The following NIPBL variants were observed in gnomAD, a reference collection of about 807,000 sequenced individuals.
NIPBL encodes the protein nipped-B-like protein.
In NIPBL, 19 loss-of-function variants were observed where a neutral mutation model predicts 321.8. The observed-to-expected ratio is 0.06, with a 90% CI of 0.04 to 0.09. The LOEUF is 0.09. NIPBL is among the 10% of genes least tolerant of loss of function. NIPBL has a pLI of 1.00. For missense variants in NIPBL, 2,210 were observed against 3,327.0 expected, an observed-to-expected ratio of 0.66 and a Z score of 8.26; for synonymous variants, 1,106 against 1,114.1, an observed-to-expected ratio of 0.99 and a Z score of 0.14.
intron 1 of NIPBL, among the ~76,000 whole-genome samples, chr5:36,931,848 T>C (rs558148027): frequency 6.6e-6 from 1 of 152,132 alleles, no homozygotes; most frequent in Admixed American, 6.6e-5. Context: ...TGTTTTTGAT[T>C]TTGTTTACAC....
At chr5:37,052,297 G>A (rs1338501694) in intron 41 of NIPBL, 69 bp from the exon 42 acceptor site, 21 of 1,214,630 alleles carry the variant, frequency 1.7e-5, no homozygotes, top group Non-Finnish European at 2.4e-5. Flanking sequence ...AGAATGTAAT[G>A]CTCTAAGTAT....
At chr5:36,989,305 A>G (rs541268467) in intron 10 of NIPBL, among the ~76,000 whole-genome samples, 1 of 152,246 alleles carries the variant, frequency 6.6e-6, no homozygotes, top group East Asian at 1.9e-4. Context: ...ACTGGGATTA[A>G]TATTATTCCC....
chr5:36,948,219 G>A (rs1739900684), intron 1 of NIPBL, among the ~76,000 whole-genome samples: 1 of 151,846 alleles, frequency 6.6e-6, no homozygotes, highest in South Asian at 2.1e-4. Flanking sequence ...AGCATACATA[G>A]TGTCTGACAC....
chr5:36,962,583 C>T (rs1207715419), intron 6 of NIPBL, among the ~76,000 whole-genome samples: 1 of 152,160 alleles, frequency 6.6e-6, no homozygotes. Context: ...CTTCTTCTTA[C>T]ATTAGCACTA....
chr5:37,014,710 T>C lies in NIPBL; in HGVS notation c.4588T>C (p.Ser1530Pro). 1 of 1,609,304 alleles carries C rather than the reference T, an allele frequency of 6.2e-7. No homozygotes were observed. Among genetic ancestry groups the C allele is most frequent in the Non-Finnish European group, 8.5e-7 (1 of 1,175,780 alleles). ...KIDQDVVITN[S>P]YETAMRTAQN... ...TGACCAGGATGTTGTCATTACTAAC[T>C]CTTATGAAACAGCTATGCGAACAGC... The change falls in exon 22 of 47, where the codon TCT becomes CCT. Residue 1530 changes from serine (S) to proline (P), a missense_variant. Ser to Pro is a moderately conservative substitution (Grantham distance 74). Transcript: ENST00000282516.
chr5:37,042,398 G>A (rs1157326796), intron 34 of NIPBL, among the ~76,000 whole-genome samples: 3 of 152,022 alleles, frequency 2.0e-5, no homozygotes, highest in Admixed American at 2.0e-4. Context: ...CTGTGCTACT[G>A]CACTTCCGCC....
intron 6 of NIPBL, among the ~76,000 whole-genome samples, chr5:36,963,171 GATTT>G (rs987254769): frequency 6.6e-6 from 1 of 151,936 alleles, no homozygotes; most frequent in African/African-American, 2.4e-5. Flanking sequence ...CTAAATAATT[GATTT>G]ATTATTAGTA....
At chr5:36,966,630 G>T (rs1264266741) in intron 6 of NIPBL, among the ~76,000 whole-genome samples, 2 of 151,996 alleles carry the variant, frequency 1.3e-5, no homozygotes, top group Non-Finnish European at 2.9e-5. Flanking sequence ...CTTAAAGGGG[G>T]TAGCATTCAG....
In NIPBL at chr5:37,039,168, C is replaced by T. The variant is rs571098615; in HGVS notation, c.6108+430C>T. Among the ~76,000 whole-genome samples the T allele has an allele frequency of 2.6e-5, 4 of 152,074 alleles. No individual in the cohort carries two copies. In the East Asian group the frequency reaches 7.7e-4, roughly 29 times the overall value. Reference sequence around the variant, plus strand: ...CCATCTAATGCACATTAATAAGGAACAGTAGTCAACCTCGGTCATTCTCCA... The same window carrying T: ...CCATCTAATGCACATTAATAAGGAATAGTAGTCAACCTCGGTCATTCTCCA... On this transcript the variant is annotated intron_variant, in intron 34 of 46. Transcript: ENST00000282516.
chr5:36,965,447 CAT>C (rs1317075368), intron 6 of NIPBL, among the ~76,000 whole-genome samples: 4 of 152,064 alleles, frequency 2.6e-5, no homozygotes, highest in South Asian at 2.1e-4. Context: ...TGTTCTCACT[CAT>C]ATGTGGCAAT....
At chr5:36,893,555 T>C (rs1258736044) in intron 1 of NIPBL, among the ~76,000 whole-genome samples, 1 of 152,144 alleles carries the variant, frequency 6.6e-6, no homozygotes, top group African/African-American at 2.4e-5. Context: ...CTTTTAGCTG[T>C]GTTCCCTTAG....
At position 37,065,791 on chromosome 5, in the gene NIPBL, A is replaced by AC. The variant is rs1755305021; in HGVS notation, c.*899_*900insC. 6.6e-6 allele frequency: 1 copy of AC among 152,614 alleles called. No homozygotes were observed. The highest frequency in any genetic ancestry group is 1.5e-5 in the Non-Finnish European group (1 of 68,020). The allele number at this position is 152,614 out of a possible 1,614,324, so 9.5% of individuals were successfully genotyped here. A position where few individuals can be genotyped will look rare whatever the true frequency, so the allele number is the denominator to read the frequency against. ...GTGCCAAACACATTTTCAAGAGTAC[A>AC]TTTTGATATAAAAAGAAACTATAGT... On this transcript the variant is annotated 3_prime_UTR_variant, in exon 47 of 47. Coordinates refer to ENST00000282516, the MANE Select transcript of NIPBL (RefSeq NM_133433.4).
chr5:37,013,657 G>A lies in NIPBL; in HGVS notation c.4561-1026G>A, dbSNP rs1261206588. 2.6e-5 allele frequency among the ~76,000 whole-genome samples: 4 copies of A among 151,982 alleles called. No individual in the cohort carries two copies. In the East Asian group the frequency reaches 5.8e-4, roughly 22 times the overall value. On this transcript the variant is annotated intron_variant, in intron 21 of 46. Coordinates refer to ENST00000282516, the MANE Select transcript of NIPBL (RefSeq NM_133433.4). ...TCACTTCCCAGATGTGATGGTGGCC[G>A]GGAAGAGGCGCTCCTCACTTCCTAG... is the stretch of plus-strand genomic sequence containing the variant.
intron 1 of NIPBL, among the ~76,000 whole-genome samples, chr5:36,940,633 C>T (rs1738963892): frequency 6.6e-6 from 1 of 152,148 alleles, no homozygotes; most frequent in Non-Finnish European, 1.5e-5. Context: ...TTTTCTCTTG[C>T]AGCACTTTGT....
chr5:36,926,605 C>T (rs1333229915), intron 1 of NIPBL, among the ~76,000 whole-genome samples: 1 of 152,112 alleles, frequency 6.6e-6, no homozygotes, highest in Non-Finnish European at 1.5e-5. Flanking sequence ...ATCACCTAGC[C>T]CCTTTCTGCT....
chr5:36,981,535 C>G (rs1393665588), intron 9 of NIPBL, among the ~76,000 whole-genome samples: 1 of 151,644 alleles, frequency 6.6e-6, no homozygotes, highest in African/African-American at 2.4e-5. Context: ...CAAAAGGACC[C>G]TTTTCTCAAT....
chr5:37,047,430 C>A (rs72736722), intron 38 of NIPBL, among the ~76,000 whole-genome samples: 4,022 of 152,196 alleles, frequency 0.026, 85 homozygotes, highest in Non-Finnish European at 0.039. Context: ...TAAATTGAAA[C>A]CTTATCATTT....
chr5:36,973,873 C>G (rs1214197415), intron 8 of NIPBL, among the ~76,000 whole-genome samples: 1 of 152,128 alleles, frequency 6.6e-6, no homozygotes, highest in Non-Finnish European at 1.5e-5. Flanking sequence ...ATATTCCCCT[C>G]CCTGGGTCCA....
chr5:36,944,407 A>T lies in NIPBL; in HGVS notation c.-79-9211A>T, dbSNP rs1739439380. On this transcript the variant is annotated intron_variant, in intron 1 of 46. Coordinates refer to ENST00000282516, the MANE Select transcript of NIPBL (RefSeq NM_133433.4). Reference sequence around the variant, plus strand: ...ACCTATTGGGAGAGTTTCCTAAAGTATCTGAAGCATATTCCATGTTTTCGT... The same window carrying T: ...ACCTATTGGGAGAGTTTCCTAAAGTTTCTGAAGCATATTCCATGTTTTCGT... Among the ~76,000 whole-genome samples the T allele has an allele frequency of 2.6e-5, 4 of 152,100 alleles. No homozygotes were observed. In the South Asian group the frequency reaches 8.3e-4, roughly 31 times the overall value.
Sources: gnomAD v4.1 joint callset for allele counts (sites outside exome capture counted in the v4.1 genomes callset) on GRCh38, gnomAD v4.1.1 for gene constraint, MANE v1.5 for transcripts, NCBI Gene and HGNC (gene_info 2026-07-23, HGNC 2026-07-21) for gene names.